IMPA2: variants seen among roughly 807,000 people sequenced by gnomAD.
IMPA2 encodes IMP 2.
Under a neutral mutation model 35.1 loss-of-function variants are expected in IMPA2, and 32 were observed. That is an observed-to-expected ratio of 0.91 (90% CI 0.69 to 1.23). The LOEUF is 1.23. Among genes scored for constraint, IMPA2 ranks in the 50% most tolerant of loss-of-function variants. The pLI is 0.00. For synonymous variants in IMPA2, 135 were observed against 160.6 expected (o/e 0.84, Z 1.20); for missense variants, 334 against 387.6 (o/e 0.86, Z 1.16).
intron 1 of IMPA2, among the ~76,000 whole-genome samples, chr18:11,992,938 T>C (rs894103083): frequency 1.3e-5 from 2 of 152,222 alleles, no homozygotes; most frequent in Non-Finnish European, 2.9e-5. Context: ...AATTCGTGAA[T>C]TAAACTTTTC....
In IMPA2 at chr18:11,990,292, G is replaced by T. The variant is rs148970167; in HGVS notation, c.96+8527G>T. ...ACTGCAGTGTGCAGGCGGACTGGGA[G>T]GCCATCCCAGCACCTGGGATGTGGA... is the stretch of plus-strand genomic sequence containing the variant. On this transcript the variant is annotated intron_variant, in intron 1 of 7. Transcript: ENST00000269159. Among the ~76,000 whole-genome samples the T allele has an allele frequency of 2.6e-4, 39 of 152,320 alleles. 1 individual carries two copies. The East Asian group carries it at 6.6e-3, about 26-fold the overall frequency.
chr18:11,984,485 G>A (rs532657688), intron 1 of IMPA2, among the ~76,000 whole-genome samples: 2 of 152,354 alleles, frequency 1.3e-5, no homozygotes, highest in African/African-American at 2.4e-5. Context: ...ATCCCCCCGC[G>A]GAGCTGAACC....
intron 5 of IMPA2, among the ~76,000 whole-genome samples, chr18:12,023,125 A>G (rs959676557): frequency 1.3e-4 from 19 of 151,920 alleles, no homozygotes; most frequent in African/African-American, 4.1e-4. Flanking sequence ...ATGTGGGAAA[A>G]CGTATGTTGG....
chr18:12,007,211 C>G (rs1353006706), intron 2 of IMPA2, among the ~76,000 whole-genome samples: 1 of 152,148 alleles, frequency 6.6e-6, no homozygotes, highest in Non-Finnish European at 1.5e-5. Context: ...CTGCCAGCGG[C>G]TCTGTCTGTT....
At chr18:11,993,755 G>T (rs532711674) in intron 1 of IMPA2, among the ~76,000 whole-genome samples, 46 of 152,328 alleles carry the variant, frequency 3.0e-4, no homozygotes, top group African/African-American at 1.0e-3. Flanking sequence ...GCAGAAGGTG[G>T]CCAGGGATGT....
chr18:12,012,055 C>G (rs188661609), intron 3 of IMPA2, 115 bp from the exon 4 acceptor site: 1 of 836,898 alleles, frequency 1.2e-6, no homozygotes, highest in African/African-American at 1.7e-5. Flanking sequence ...AAACAACCAA[C>G]CCACCCAGAG....
chr18:12,017,809 C>T, intron 5 of IMPA2: 1 of 338,974 alleles, frequency 3.0e-6, no homozygotes, highest in Non-Finnish European at 5.8e-6. Flanking sequence ...CCAGGCTGGT[C>T]TCAAACTGCT....
chr18:12,011,447 C>T (rs1598697967), intron 3 of IMPA2, among the ~76,000 whole-genome samples: 1 of 152,378 alleles, frequency 6.6e-6, no homozygotes, highest in East Asian at 1.9e-4. Context: ...GGTGCATTTG[C>T]TCTGGAAGCC....
At chr18:12,029,221 TCTC>T (rs1907976675) in intron 7 of IMPA2, among the ~76,000 whole-genome samples, 1 of 148,754 alleles carries the variant, frequency 6.7e-6, no homozygotes, top group Non-Finnish European at 1.5e-5. Flanking sequence ...TTCAAGCAAT[TCTC>T]CTGCCTCAGC....
chr18:11,985,147 CAAAAAAA>C (rs60194371), intron 1 of IMPA2, among the ~76,000 whole-genome samples: 16 of 80,526 alleles, frequency 2.0e-4, no homozygotes, highest in South Asian at 1.8e-3. Context: ...AACTCTGTCT[CAAAAAAA>C]AAAAAAAAAA....
intron 5 of IMPA2, among the ~76,000 whole-genome samples, chr18:12,014,637 G>T (rs1907528481): frequency 6.6e-6 from 1 of 152,112 alleles, no homozygotes; most frequent in Non-Finnish European, 1.5e-5. Flanking sequence ...TACTCCAGTC[G>T]CAGTCACGAT....
At chr18:12,000,535 A>T (rs28479343) in intron 2 of IMPA2, among the ~76,000 whole-genome samples, 4,176 of 151,088 alleles carry the variant, frequency 0.028, 155 homozygotes, top group African/African-American at 0.086. Flanking sequence ...AAGCTTCTCT[A>T]ACTTCCTATT....
intron 1 of IMPA2, among the ~76,000 whole-genome samples, chr18:11,993,097 T>G (rs606020): frequency 0.45 from 68,482 of 152,032 alleles, 17,505 homozygotes; most frequent in African/African-American, 0.69. Context: ...TGAGGTTCTG[T>G]GTGTAAATAA....
chr18:12,027,951 C>CT, intron 5 of IMPA2, 92 bp from the exon 6 acceptor site: 1 of 784,840 alleles, frequency 1.3e-6, no homozygotes, highest in East Asian at 2.5e-5. Context: ...GATCCTTACT[C>CT]TGAGAAAGAA....
At position 11,999,100 on chromosome 18, in the gene IMPA2, C is replaced by T; in HGVS notation, c.143C>T (p.Thr48Ile). The change falls in exon 2 of 8, where the codon ACA (threonine) becomes ATA (isoleucine). Residue 48 changes from threonine to isoleucine, a missense_variant. By Grantham distance (89) the Thr-to-Ile change is moderately conservative. Coordinates refer to ENST00000269159, the MANE Select transcript of IMPA2 (RefSeq NM_014214.3). ...GAGGAAAAACGTGTCTCAACAAAAA[C>T]ATCAGCTGCAGATCTTGTGACAGAA... ...LTEEKRVSTK[T>I]SAADLVTETD... 6.2e-7 allele frequency: 1 copy of T among 1,613,728 alleles called. No homozygotes were observed. The highest frequency in any genetic ancestry group is 8.5e-7 in the Non-Finnish European group (1 of 1,179,690).
intron 5 of IMPA2, among the ~76,000 whole-genome samples, chr18:12,015,460 C>CT (rs1407954683): frequency 6.6e-6 from 1 of 152,234 alleles, no homozygotes; most frequent in Non-Finnish European, 1.5e-5. Context: ...ATCTCTGCTG[C>CT]TGTGAGCCCG....
chr18:12,006,729 T>C (rs556975932), intron 2 of IMPA2, among the ~76,000 whole-genome samples: 29 of 152,308 alleles, frequency 1.9e-4, no homozygotes, highest in South Asian at 4.1e-4. Context: ...AGGGGCTGGA[T>C]GACTCTGCAT....
rs543881342 is a variant in IMPA2 at position 11,992,473 on chromosome 18, G to A, written c.97-6581G>A. On this transcript the variant is annotated intron_variant, in intron 1 of 7. Coordinates refer to ENST00000269159, the MANE Select transcript of IMPA2 (RefSeq NM_014214.3). ...CAGGAGCACAAGAACAAGATGGGGT[G>A]AGACAGGAAAGATAGTTGGACGTCT... 1.1e-4 allele frequency among the ~76,000 whole-genome samples: 16 copies of A among 152,332 alleles called. No homozygotes were observed. In the South Asian group the frequency reaches 3.3e-3, roughly 32 times the overall value.
intron 1 of IMPA2, among the ~76,000 whole-genome samples, chr18:11,984,983 A>AC (rs980457201): frequency 3.0e-4 from 37 of 121,960 alleles, no homozygotes; most frequent in South Asian, 7.7e-4. Flanking sequence ...AAAAAAAAAA[A>AC]AACAACAAAA....
Sources: allele counts gnomAD v4.1 joint callset (sites outside exome capture counted in the v4.1 genomes callset), GRCh38; gene constraint gnomAD v4.1.1; transcripts MANE v1.5; gene names NCBI Gene and HGNC (gene_info 2026-07-23, HGNC 2026-07-21).